Variants in CAMK1 observed in about 807,000 individuals in gnomAD.
CAMK1 encodes calcium/calmodulin dependent protein kinase I.
A neutral mutation model predicts 49.1 loss-of-function variants in CAMK1; 39 were observed. That is an observed-to-expected ratio of 0.79 (90% CI 0.62 to 1.04). The LOEUF is 1.04. CAMK1 is among the 50% of genes least tolerant of loss of function. CAMK1 has a pLI of 0.00. For synonymous variants in CAMK1, 192 were observed against 185.2 expected (o/e 1.04, Z -0.30); for missense variants, 457 against 472.2 (o/e 0.97, Z 0.30).
chr3:9,769,053 G>A (rs576638135), intron 1 of CAMK1, among the ~76,000 whole-genome samples: 4 of 151,810 alleles, frequency 2.6e-5, no homozygotes, highest in Admixed American at 1.3e-4. Context: ...GATCCAGTAC[G>A]CCTTGTATCC....
intron 2 of CAMK1, chr3:9,766,619 T>A: frequency 9.6e-7 from 1 of 1,042,554 alleles, no homozygotes; most frequent in Non-Finnish European, 1.2e-6. Flanking sequence ...AACAGGTTCT[T>A]AAAAAGGAAC....
Position 9,757,447 on chromosome 3 carries a change from A to C in CAMK1, c.*92T>G. On this transcript the variant is annotated 3_prime_UTR_variant, in exon 12 of 12. Coordinates refer to ENST00000256460, the MANE Select transcript of CAMK1 (RefSeq NM_003656.5). The surrounding 1 kb of genome is among the most constrained non-coding windows in gnomAD (Gnocchi z 4.5). ...GTAGGGAAGCAGGTGAGGAGGGGAC[A>C]GGGCAGAGAAACTCCCGGTTCAGGG... 1 of 1,604,162 alleles carries C rather than the reference A, an allele frequency of 6.2e-7. No individual in the cohort carries two copies. The highest frequency in any genetic ancestry group is 8.5e-7 in the Non-Finnish European group (1 of 1,173,662).
intron 2 of CAMK1, among the ~76,000 whole-genome samples, chr3:9,767,131 C>T (rs1448851670): frequency 6.6e-6 from 1 of 152,180 alleles, no homozygotes; most frequent in African/African-American, 2.4e-5. Context: ...ACCTACCCAT[C>T]CTTCAGTCCC....
intron 8 of CAMK1, 62 bp from the exon 9 acceptor site, chr3:9,759,812 G>A: frequency 6.2e-7 from 1 of 1,613,360 alleles, no homozygotes. Context: ...TACTCCCCAA[G>A]AGCATACCCA....
At chr3:9,764,189 C>T (rs1263013418) in intron 3 of CAMK1, among the ~76,000 whole-genome samples, 1 of 152,180 alleles carries the variant, frequency 6.6e-6, no homozygotes, top group African/African-American at 2.4e-5. Context: ...TAGTACTTCC[C>T]TCAAAGAGTT....
chr3:9,760,930 T>A, intron 7 of CAMK1, 162 bp from the exon 8 acceptor site: 1 of 1,048,830 alleles, frequency 9.5e-7, no homozygotes. Flanking sequence ...AGCTACATTA[T>A]CCTTTCTGTT....
At position 9,757,836 on chromosome 3, in the gene CAMK1, T is replaced by C. The variant is rs1215876523; in HGVS notation, c.923A>G (p.Asn308Ser). The change falls in exon 11 of 12, where the codon AAT becomes AGT. Residue 308 changes from asparagine (N) to serine (S), a missense_variant. Asn to Ser is a conservative substitution (Grantham distance 46). Coordinates refer to ENST00000256460, the MANE Select transcript of CAMK1 (RefSeq NM_003656.5). The surrounding 1 kb of genome is among the most constrained non-coding windows in gnomAD (Gnocchi z 4.5). Reference sequence around the variant, plus strand: ...CATGTGCCGCACCACAGCCGTGGCATTGAAGGCTTGCTGGCATTGAAGGCA... The same window carrying C: ...CATGTGCCGCACCACAGCCGTGGCACTGAAGGCTTGCTGGCATTGAAGGCA... ...FAKSKWKQAF[N>S]ATAVVRHMRK... 2 of 1,605,816 alleles carry C rather than the reference T, an allele frequency of 1.2e-6. No homozygotes were observed. Among genetic ancestry groups the C allele is most frequent in the Admixed American group, 3.3e-5 (2 of 59,812 alleles).
rs368628952 is a variant in CAMK1, at chr3:9,759,767, A to G, written c.746-17T>C. 110 of 1,613,940 alleles carry G rather than the reference A, an allele frequency of 6.8e-5. No homozygotes were observed. The highest frequency in any genetic ancestry group is 8.8e-5 in the Non-Finnish European group (104 of 1,180,012). On this transcript the variant is annotated splice_polypyrimidine_tract_variant and intron_variant, in intron 8 of 11. Transcript: ENST00000256460. ...AATCTTTGGCTAAACCCCCAAGACA[A>G]AAGCAAAGATAATGACAGCATGGTA...
At chr3:9,761,342 G>A in intron 7 of CAMK1, 119 bp downstream of exon 7, 1 of 997,876 alleles carries the variant, frequency 1.0e-6, no homozygotes, top group Non-Finnish European at 1.5e-6. Context: ...ATTGATTGGT[G>A]GAAGGAAGGG....
Position 9,764,617 on chromosome 3 carries a change from G to GT in CAMK1, c.215+1141dup, listed in dbSNP as rs202012854. 6.5e-4 allele frequency among the ~76,000 whole-genome samples: 61 copies of GT among 93,444 alleles called. 1 individual carries two copies. Among genetic ancestry groups the GT allele is most frequent in the East Asian group, 3.9e-3 (8 of 2,030 alleles). 61.3% of individuals were successfully genotyped at this position (93,444 alleles called of 152,430 possible). On this transcript the variant is annotated intron_variant, in intron 3 of 11. Transcript: ENST00000256460. Reference sequence around the variant, plus strand: ...GTGAGCCACTGCGCCTGGCGTTTTTGTTTTTTTTTTGTTTTTTTTTTTTTT... The same window carrying GT: ...GTGAGCCACTGCGCCTGGCGTTTTTGTTTTTTTTTTTGTTTTTTTTTTTTTT...
chr3:9,758,961 C>G (rs1249448625), intron 10 of CAMK1: 5 of 523,720 alleles, frequency 9.5e-6, no homozygotes, highest in Non-Finnish European at 1.7e-5. Flanking sequence ...CAAATACTTG[C>G]CTAAGATTCT....
rs373157445 is a variant in CAMK1, at chr3:9,767,778, G to T, written c.-29C>A. The T allele has an allele frequency of 2.2e-5, 35 of 1,613,112 alleles. No homozygotes were observed. Among genetic ancestry groups the T allele is most frequent in the Non-Finnish European group, 2.9e-5 (34 of 1,179,898 alleles). ...CCACTGCCCCCCGACCACAGCCAGG[G>T]CTCCTGTAAGGAGAATGGAAGGAGG... On this transcript the variant is annotated 5_prime_UTR_variant, in exon 2 of 12. Transcript: ENST00000256460.
chr3:9,759,866 A>G, intron 8 of CAMK1, 116 bp from the exon 9 acceptor site: 2 of 1,570,704 alleles, frequency 1.3e-6, no homozygotes, highest in Non-Finnish European at 1.7e-6. Context: ...AGGCCAAATC[A>G]GTCCATGCCC....
chr3:9,765,072 C>T (rs1482916460), intron 3 of CAMK1, among the ~76,000 whole-genome samples: 1 of 151,502 alleles, frequency 6.6e-6, no homozygotes, highest in African/African-American at 2.4e-5. Context: ...ACTAAAAATA[C>T]AAAAATTAGC....
rs73113546 is a variant in CAMK1 at position 9,758,115 on chromosome 3, A to G, written c.913-269T>C. 554 of 365,866 alleles carry G rather than the reference A, an allele frequency of 1.5e-3. 1 individual carries two copies. The highest frequency in any genetic ancestry group is 9.2e-3 in the African/African-American group (447 of 48,750). The allele number at this position is 365,866 out of a possible 1,614,324, so 22.7% of individuals were successfully genotyped here. On this transcript the variant is annotated intron_variant, in intron 10 of 11. Transcript: ENST00000256460. ...ATATTAATATGTAATAGCAAACACT[A>G]TAGCACTGTATGTCAGGCACTGTTC...
chr3:9,762,971 C>A lies in CAMK1; in HGVS notation c.372G>T (p.Gln124His). 1 of 1,614,166 alleles carries A rather than the reference C, an allele frequency of 6.2e-7. No individual in the cohort carries two copies. The change falls in exon 5 of 12, where the codon CAG becomes CAT. Residue 124 changes from glutamine (Q) to histidine (H), a missense_variant. Transcript: ENST00000256460. ...TERDASRLIF[Q>H]VLDAVKYLHD... is the part of the protein sequence containing the mutation. ...GCAGGTATTTCACAGCATCCAGCACCTGGAAGATGAGGCGGCTGGCGTCCC... is the reference window on the plus strand; with the variant it reads ...GCAGGTATTTCACAGCATCCAGCACATGGAAGATGAGGCGGCTGGCGTCCC...
At chr3:9,759,242 A>G (rs2125567314) in intron 10 of CAMK1, 3 of 1,614,214 alleles carry the variant, frequency 1.9e-6, no homozygotes, top group Non-Finnish European at 2.5e-6. Flanking sequence ...AGGCTGGATC[A>G]GATGCCTCCT....
chr3:9,761,013 TC>T, intron 7 of CAMK1: 1 of 483,660 alleles, frequency 2.1e-6, no homozygotes, highest in East Asian at 3.9e-5. Flanking sequence ...TGCCACTCTT[TC>T]CCCACACCTC....
chr3:9,767,388 G>C (rs1478573110), intron 2 of CAMK1, among the ~76,000 whole-genome samples: 1 of 152,170 alleles, frequency 6.6e-6, no homozygotes, highest in African/African-American at 2.4e-5. Context: ...CCAAACCTAG[G>C]CTAGAACACT....
Sources: gnomAD v4.1 joint callset for allele counts (sites outside exome capture counted in the v4.1 genomes callset) on GRCh38, gnomAD v4.1.1 for gene constraint, Gnocchi (gnomAD v3.1) non-coding constraint, MANE v1.5 for transcripts, NCBI Gene and HGNC (gene_info 2026-07-23, HGNC 2026-07-21) for gene names.